The following PDE11A variants were observed in gnomAD, a reference collection of about 807,000 sequenced individuals.
PDE11A encodes the protein phosphodiesterase 11A.
PDE11A carries 100 observed loss-of-function variants against 100.5 expected under a neutral mutation model. The ratio of observed to expected loss-of-function variants is 1.00; its 90% CI spans 0.85 to 1.18. The LOEUF is 1.18. Among genes scored for constraint, PDE11A ranks in the 50% most tolerant of loss-of-function variants. The pLI, the probability that PDE11A is intolerant of heterozygous loss-of-function variation, is 0.00. For missense variants in PDE11A, 1,141 were observed against 1,152.6 expected, an observed-to-expected ratio of 0.99 and a Z score of 0.15; for synonymous variants, 381 against 420.8, an observed-to-expected ratio of 0.91 and a Z score of 1.16.
At chr2:177,787,656 G>T (rs1258745494) in intron 9 of PDE11A, among the ~76,000 whole-genome samples, 1 of 149,002 alleles carries the variant, frequency 6.7e-6, no homozygotes, top group African/African-American at 2.5e-5. Context: ...CTCACGTGCA[G>T]AGACACACAT....
chr2:178,016,571 T>C (rs1436610237), intron 1 of PDE11A, among the ~76,000 whole-genome samples: 2 of 151,900 alleles, frequency 1.3e-5, no homozygotes, highest in South Asian at 2.1e-4. Context: ...TATTTATATA[T>C]TGTGGTAAGT....
chr2:178,031,323 G>A lies in PDE11A; in HGVS notation c.913-16863C>T, dbSNP rs148155740. Among the ~76,000 whole-genome samples the A allele has an allele frequency of 5.7e-3, 862 of 152,174 alleles. 4 individuals are homozygous for A. The highest frequency in any genetic ancestry group is 0.02 in the Middle Eastern group (6 of 294). On this transcript the variant is annotated intron_variant, in intron 1 of 19. Coordinates refer to ENST00000286063, the MANE Select transcript of PDE11A (RefSeq NM_016953.4). ...CAGTCTTGTTCTACATGATACTGGA[G>A]GTTCTTGCACAGTAGGAGCTAAGAA...
At chr2:178,096,624 CA>C (rs941145832) in intron 2 of PDE11A, among the ~76,000 whole-genome samples, 2 of 152,190 alleles carry the variant, frequency 1.3e-5, no homozygotes, top group African/African-American at 2.4e-5. Context: ...ATCTCTAGGA[CA>C]GGGGCAAAAT....
At chr2:177,892,296 C>A (rs550259252) in intron 4 of PDE11A, among the ~76,000 whole-genome samples, 1 of 151,724 alleles carries the variant, frequency 6.6e-6, no homozygotes, top group African/African-American at 2.4e-5. Flanking sequence ...CAGCTTCTTA[C>A]GGTTTTTTTC....
chr2:177,902,266 T>C (rs1054033782), intron 3 of PDE11A, among the ~76,000 whole-genome samples: 5 of 151,806 alleles, frequency 3.3e-5, no homozygotes, highest in African/African-American at 9.7e-5. Context: ...CTTTGTAATA[T>C]TCTCCCCCGC....
chr2:177,694,997 C>CA (rs1158446523), intron 15 of PDE11A, among the ~76,000 whole-genome samples: 2 of 150,422 alleles, frequency 1.3e-5, no homozygotes, highest in African/African-American at 2.5e-5. Flanking sequence ...CTCTGAATTT[C>CA]ATTTTTTTTT....
chr2:177,910,815 G>A (rs2105742496), intron 2 of PDE11A, among the ~76,000 whole-genome samples: 1 of 152,262 alleles, frequency 6.6e-6, no homozygotes, highest in Admixed American at 6.5e-5. Context: ...AAGACAGTAG[G>A]TAGCCAGCCT....
chr2:178,023,099 T>C (rs183363093), intron 1 of PDE11A, among the ~76,000 whole-genome samples: 75 of 152,268 alleles, frequency 4.9e-4, no homozygotes, highest in Admixed American at 1.2e-3. Flanking sequence ...GCCTCCTTCA[T>C]AGAGAACAGT....
At chr2:177,770,952 A>G (rs755101188) in intron 9 of PDE11A, among the ~76,000 whole-genome samples, 1 of 152,062 alleles carries the variant, frequency 6.6e-6, no homozygotes, top group African/African-American at 2.4e-5. Flanking sequence ...TCAGCATCCC[A>G]AGTAGCTGCG....
intron 2 of PDE11A, among the ~76,000 whole-genome samples, chr2:177,957,562 CT>C (rs2085580408): frequency 6.6e-6 from 1 of 152,108 alleles, no homozygotes; most frequent in Admixed American, 6.5e-5. Context: ...CTGAAACCAG[CT>C]TTTCTAAACC....
chr2:178,052,496 C>T (rs2086841932), intron 1 of PDE11A, among the ~76,000 whole-genome samples: 1 of 151,908 alleles, frequency 6.6e-6, no homozygotes, highest in Non-Finnish European at 1.5e-5. Context: ...TAGCAGAAGG[C>T]AAGAAATAAC....
At chr2:177,889,968 G>T (rs2084504330) in intron 4 of PDE11A, among the ~76,000 whole-genome samples, 2 of 152,050 alleles carry the variant, frequency 1.3e-5, no homozygotes, top group South Asian at 2.1e-4. Flanking sequence ...GCTCTTTGTT[G>T]TGTGTTAGTG....
chr2:177,858,216 G>C (rs987222999), intron 5 of PDE11A, among the ~76,000 whole-genome samples: 2 of 148,830 alleles, frequency 1.3e-5, no homozygotes, highest in African/African-American at 4.9e-5. Flanking sequence ...AACACCAAAA[G>C]CAATGGCAAC....
At chr2:177,871,529 ATT>A (rs2084134239) in intron 5 of PDE11A, among the ~76,000 whole-genome samples, 68 of 32,112 alleles carry the variant, frequency 2.1e-3, no homozygotes, top group African/African-American at 5.6e-3. Context: ...GTAGTAAATT[ATT>A]ATTATTATTA....
At chr2:178,014,496 G>A (rs2086310325) in intron 1 of PDE11A, 36 bp from the exon 2 acceptor site, 1 of 1,567,394 alleles carries the variant, frequency 6.4e-7, no homozygotes, top group East Asian at 2.3e-5. Flanking sequence ...AACTGCATGT[G>A]CATTGTTGTC....
chr2:178,064,851 T>C (rs1405459623), intron 1 of PDE11A, among the ~76,000 whole-genome samples: 3 of 152,178 alleles, frequency 2.0e-5, no homozygotes, highest in East Asian at 1.9e-4. Context: ...CCCCTTTTTT[T>C]TTCTTCAGGA....
At chr2:178,103,754 TAGAC>T (rs982953833) in intron 2 of PDE11A, among the ~76,000 whole-genome samples, 7 of 151,880 alleles carry the variant, frequency 4.6e-5, no homozygotes, top group East Asian at 1.9e-4. Flanking sequence ...TTTCCATTCT[TAGAC>T]AGATAGATAG....
intron 5 of PDE11A, among the ~76,000 whole-genome samples, chr2:177,852,445 A>G (rs952706121): frequency 3.9e-4 from 60 of 152,174 alleles, no homozygotes; most frequent in African/African-American, 1.3e-3. Context: ...CTAGAGGTCA[A>G]TCTGAGGTTG....
chr2:177,998,651 C>G lies in PDE11A; in HGVS notation c.1071+15651G>C, dbSNP rs547484372. On this transcript the variant is annotated intron_variant, in intron 2 of 19. Coordinates refer to ENST00000286063, the MANE Select transcript of PDE11A (RefSeq NM_016953.4). The stretch of plus-strand genomic sequence containing the variant: ...TAAATTGAGCTGCTAATCGTTTTTC[C>G]TTAGTACCACCTTTCACACCATCCA... 1.4e-5 allele frequency: 18 copies of G among 1,264,056 alleles called. No homozygotes were observed. In the African/African-American group the frequency reaches 2.5e-4, roughly 17 times the overall value. The allele number at this position is 1,264,056 out of a possible 1,614,324, so 78.3% of individuals were successfully genotyped here.
Sources: gnomAD v4.1 joint callset for allele counts (sites outside exome capture counted in the v4.1 genomes callset) on GRCh38, gnomAD v4.1.1 for gene constraint, MANE v1.5 for transcripts, NCBI Gene and HGNC (gene_info 2026-07-23, HGNC 2026-07-21) for gene names.